PSIP1: variants seen among roughly 807,000 people sequenced by gnomAD.
PSIP1 encodes the protein PC4 and SFRS1-interacting protein.
Under a neutral mutation model 74.7 loss-of-function variants are expected in PSIP1, and 19 were observed. The ratio of observed to expected loss-of-function variants is 0.25; its 90% CI spans 0.18 to 0.37. PSIP1 has a LOEUF of 0.37. Ranked by LOEUF, PSIP1 falls within the 10% of genes least tolerant of loss-of-function variation. The pLI is 1.00. For synonymous variants in PSIP1, 222 were observed against 195.3 expected (o/e 1.14, Z -1.14); for missense variants, 601 against 614.3 (o/e 0.98, Z 0.23).
intron 3 of PSIP1, among the ~76,000 whole-genome samples, chr9:15,493,959 T>C (rs568799625): frequency 2.0e-5 from 3 of 152,302 alleles, no homozygotes; most frequent in Admixed American, 6.5e-5. Flanking sequence ...GGATGGACCC[T>C]GTACATCTCC....
In PSIP1 at chr9:15,510,212, C is replaced by A; in HGVS notation, c.-24G>T. 2 of 1,596,872 alleles carry A rather than the reference C, an allele frequency of 1.3e-6. No homozygotes were observed. The highest frequency in any genetic ancestry group is 1.7e-6 in the Non-Finnish European group (2 of 1,172,520). ...ATGTTTCGGGGGCGAGACCGGGGGT[C>A]CGAAGCCCGGGAGGCGGCGAGGAGA... On this transcript the variant is annotated 5_prime_UTR_variant, in exon 2 of 16. Transcript: ENST00000380733.
intron 6 of PSIP1, among the ~76,000 whole-genome samples, chr9:15,482,022 C>T (rs28497163): frequency 1.3e-5 from 2 of 152,022 alleles, no homozygotes; most frequent in Admixed American, 6.6e-5. Flanking sequence ...AGATTTATTT[C>T]TTCCATATTT....
rs1586879295 is a variant in PSIP1 at position 15,510,311 on chromosome 9, G to A, written c.-123C>T. On this transcript the variant is annotated 5_prime_UTR_variant, in exon 2 of 16. Coordinates refer to ENST00000380733, the MANE Select transcript of PSIP1 (RefSeq NM_033222.5). ...CCCGCGGGCGGGGGAGGATGCCTCG[G>A]GGCGTCCCGACGCGCCTGCTAGGGA... The A allele has an allele frequency of 1.5e-6, 1 of 683,342 alleles. No homozygotes were observed. The highest frequency in any genetic ancestry group is 2.3e-6 in the Non-Finnish European group (1 of 442,882). 42.3% of individuals were successfully genotyped at this position (683,342 alleles called of 1,614,324 possible). A position where few individuals can be genotyped will look rare whatever the true frequency, so the allele number is the denominator to read the frequency against.
At chr9:15,468,885 T>A in intron 13 of PSIP1, 42 bp from the exon 14 acceptor site, 1 of 1,604,988 alleles carries the variant, frequency 6.2e-7, no homozygotes, top group Non-Finnish European at 8.5e-7. Flanking sequence ...TTTTCCTAAT[T>A]GATTTTTTAA....
chr9:15,509,174 A>C (rs2037735315), intron 2 of PSIP1, among the ~76,000 whole-genome samples: 1 of 152,230 alleles, frequency 6.6e-6, no homozygotes, highest in Non-Finnish European at 1.5e-5. Flanking sequence ...ACATTTTCAA[A>C]GGACAGTAAA....
intron 3 of PSIP1, among the ~76,000 whole-genome samples, chr9:15,498,661 T>A (rs2037194796): frequency 6.6e-6 from 1 of 151,952 alleles, no homozygotes; most frequent in Non-Finnish European, 1.5e-5. Context: ...ACTTTAAAAT[T>A]ACATATAAAA....
At chr9:15,476,681 G>A (rs766650399) in intron 8 of PSIP1, among the ~76,000 whole-genome samples, 4 of 152,126 alleles carry the variant, frequency 2.6e-5, no homozygotes, top group Non-Finnish European at 5.9e-5. Flanking sequence ...CAAAGTATCT[G>A]TTATTAAATA....
intron 3 of PSIP1, among the ~76,000 whole-genome samples, chr9:15,491,162 G>A (rs2132147570): frequency 6.6e-6 from 1 of 152,330 alleles, no homozygotes; most frequent in East Asian, 1.9e-4. Flanking sequence ...ATAGCCAACA[G>A]CGTATGTAAC....
chr9:15,506,084 C>T (rs538612995), intron 3 of PSIP1: 1 of 152,544 alleles, frequency 6.6e-6, no homozygotes. Flanking sequence ...CACATCAGTT[C>T]TCTGCCCACA....
Position 15,510,205 on chromosome 9 carries a change from C to T in PSIP1, c.-17G>A, listed in dbSNP as rs1229916087. On this transcript the variant is annotated 5_prime_UTR_variant, in exon 2 of 16. Coordinates refer to ENST00000380733, the MANE Select transcript of PSIP1 (RefSeq NM_033222.5). ...GCGAGTCATGTTTCGGGGGCGAGAC[C>T]GGGGGTCCGAAGCCCGGGAGGCGGC... is the stretch of plus-strand genomic sequence containing the variant. 1.3e-6 allele frequency: 2 copies of T among 1,598,942 alleles called. No homozygotes were observed. Among genetic ancestry groups the T allele is most frequent in the Admixed American group, 1.7e-5 (1 of 58,802 alleles).
At chr9:15,505,239 G>A (rs954350444) in intron 3 of PSIP1, 3 of 152,102 alleles carry the variant, frequency 2.0e-5, no homozygotes, top group African/African-American at 7.2e-5. Context: ...ACCCAGCCAA[G>A]AACTTACATT....
chr9:15,469,840 G>A, intron 11 of PSIP1, 98 bp downstream of exon 11: 10 of 983,762 alleles, frequency 1.0e-5, no homozygotes, highest in Non-Finnish European at 1.5e-5. Flanking sequence ...TAGGATATGA[G>A]TATAAAATTA....
At chr9:15,502,847 C>A (rs990022791) in intron 3 of PSIP1, among the ~76,000 whole-genome samples, 1 of 152,184 alleles carries the variant, frequency 6.6e-6, no homozygotes, top group East Asian at 1.9e-4. Flanking sequence ...TTAGGGCTCA[C>A]TGTCTAATAT....
At chr9:15,473,425 T>G (rs1419386087) in intron 9 of PSIP1, among the ~76,000 whole-genome samples, 1 of 152,230 alleles carries the variant, frequency 6.6e-6, no homozygotes, top group African/African-American at 2.4e-5. Context: ...TACTGTTTAC[T>G]TAATTTCCAG....
chr9:15,485,451 G>A (rs2036520462), intron 6 of PSIP1, among the ~76,000 whole-genome samples: 1 of 152,040 alleles, frequency 6.6e-6, no homozygotes. Flanking sequence ...GGTTTTCTTT[G>A]CATCTTTGGT....
chr9:15,466,864 C>G lies in PSIP1; in HGVS notation c.1421-5G>C, dbSNP rs754506620. ...CTCCATTTAGAGTCTTTGACCCTTGCGAAGGAATCCAATGGAAAAACTTTG... is the reference window on the plus strand; with the variant it reads ...CTCCATTTAGAGTCTTTGACCCTTGGGAAGGAATCCAATGGAAAAACTTTG... On this transcript the variant is annotated splice_region_variant and splice_polypyrimidine_tract_variant and intron_variant, in intron 14 of 15. Transcript: ENST00000380733. 1.2e-6 allele frequency: 2 copies of G among 1,601,412 alleles called. No homozygotes were observed. Among genetic ancestry groups the G allele is most frequent in the Middle Eastern group, 1.7e-4 (1 of 6,046 alleles).
chr9:15,488,191 C>T (rs747898120), intron 4 of PSIP1, among the ~76,000 whole-genome samples: 6 of 151,842 alleles, frequency 4.0e-5, no homozygotes, highest in South Asian at 2.1e-4. Context: ...TACCCAGGCA[C>T]GGTGGCAAAG....
intron 2 of PSIP1, among the ~76,000 whole-genome samples, chr9:15,507,979 C>T (rs1039200092): frequency 6.6e-6 from 1 of 152,220 alleles, no homozygotes; most frequent in African/African-American, 2.4e-5. Context: ...TCCTTAATCC[C>T]TTAAGAGATC....
intron 4 of PSIP1, 115 bp from the exon 5 acceptor site, chr9:15,487,046 T>C: frequency 1.7e-6 from 1 of 579,984 alleles, no homozygotes; most frequent in Non-Finnish European, 2.7e-6. Flanking sequence ...TCACCCAGGC[T>C]GGAGGCAGTG....
Sources: gnomAD v4.1 joint callset for allele counts (sites outside exome capture counted in the v4.1 genomes callset) on GRCh38, gnomAD v4.1.1 for gene constraint, MANE v1.5 for transcripts, NCBI Gene and HGNC (gene_info 2026-07-23, HGNC 2026-07-21) for gene names.